NXF3: variants seen among roughly 807,000 people sequenced by gnomAD.
NXF3 encodes the protein nuclear RNA export factor 3.
A neutral mutation model predicts 48.4 loss-of-function variants in NXF3; 34 were observed. That is an observed-to-expected ratio of 0.70 (90% CI 0.53 to 0.93). NXF3 has a LOEUF of 0.93. Among genes scored for constraint, NXF3 ranks in the 40% least tolerant of loss-of-function variants. The probability of loss-of-function intolerance (pLI) is 0.00; values close to 1 mark genes in which losing one functional copy is unlikely to be tolerated. For missense variants in NXF3, 359 were observed against 406.1 expected (o/e 0.88, Z 1.00); for synonymous variants, 132 against 145.7 (o/e 0.91, Z 0.68).
At chrX:103,076,848 A>C (rs1286401333) in intron 18 of NXF3, among the ~76,000 whole-genome samples, 1 of 106,941 alleles carries the variant, frequency 9.4e-6, no homozygotes, top group Non-Finnish European at 1.9e-5. Flanking sequence ...AGCCAAAGGC[A>C]TGAGTAACTA....
chrX:103,080,237 T>A (rs367853354), intron 10 of NXF3, 21 bp from the exon 11 acceptor site: 4 of 1,196,925 alleles, frequency 3.3e-6, no homozygotes, highest in Admixed American at 4.4e-5. Context: ...CAAGAGGAAG[T>A]CAGTAGTGCA....
chrX:103,085,636 G>C (rs761909321), intron 1 of NXF3, among the ~76,000 whole-genome samples: 1 of 111,885 alleles, frequency 8.9e-6, no homozygotes, highest in East Asian at 2.8e-4. Flanking sequence ...GGGCGCGTTG[G>C]CTCTTGCCTG....
intron 3 of NXF3, among the ~76,000 whole-genome samples, chrX:103,084,107 C>G (rs151092998): frequency 0.011 from 1,177 of 111,067 alleles, 14 homozygotes; most frequent in African/African-American, 0.037. Context: ...CCTTAGCATT[C>G]GTTTCCTCCT....
At chrX:103,077,266 T>TC (rs1569279073) in intron 18 of NXF3, among the ~76,000 whole-genome samples, 3 of 72,982 alleles carry the variant, frequency 4.1e-5, no homozygotes, top group African/African-American at 1.4e-4. Context: ...TTTTTTTTTT[T>TC]CCGAGACGGA....
intron 10 of NXF3, 93 bp downstream of exon 10, chrX:103,080,483 A>T: frequency 1.1e-6 from 1 of 936,479 alleles, no homozygotes. Context: ...TAGCTCCAAA[A>T]ATGTAACTGG....
intron 1 of NXF3, among the ~76,000 whole-genome samples, chrX:103,085,191 T>C (rs1922115266): frequency 9.0e-6 from 1 of 111,273 alleles, no homozygotes; most frequent in African/African-American, 3.3e-5. Context: ...TTTTATAATC[T>C]AGAAAGAAAT....
chrX:103,082,935 A>T (rs1439429573), intron 7 of NXF3, 69 bp downstream of exon 7: 2 of 1,147,449 alleles, frequency 1.7e-6, no homozygotes, highest in African/African-American at 3.6e-5. Context: ...CAAGTTGCCA[A>T]CCGTAAGTCT....
In NXF3 at chrX:103,083,367, T is replaced by TGCTA. The variant is rs759600009; in HGVS notation, c.540+27_540+30dup. ...ACCCTTGCCCTGCCCTCTTGCTCGA[T>TGCTA]GCTAGCCCTGGTCATTCATTTGACA... On this transcript the variant is annotated intron_variant, in intron 5 of 19. Transcript: ENST00000395065. The TGCTA allele has an allele frequency of 6.8e-6, 8 of 1,179,807 alleles. No homozygotes were observed. The East Asian group carries it at 2.4e-4, about 35-fold the overall frequency.
chrX:103,092,873 G>T, intron 1 of NXF3, 123 bp downstream of exon 1: 6 of 728,963 alleles, frequency 8.2e-6, no homozygotes, highest in Admixed American at 4.7e-5. Flanking sequence ...CCTTGCCACT[G>T]CCCACCCCCA....
At position 103,083,037 on chromosome X, in the gene NXF3, C is replaced by A; in HGVS notation, c.658G>T (p.Ala220Ser). The A allele has an allele frequency of 8.3e-7, 1 of 1,211,099 alleles. No individual in the cohort carries two copies. ...MNQQCDVSQE[A>S]LDIQRLPFYP... Reference sequence around the variant, plus strand: ...AATGGGAGTCTCTGGATATCAAGAGCTTCCTGGGAGACATCACACTGTTGG... The same window carrying A: ...AATGGGAGTCTCTGGATATCAAGAGATTCCTGGGAGACATCACACTGTTGG... Residue 220 changes from alanine (A) to serine (S), a missense_variant, in exon 7 of 20, where the codon GCT (alanine) becomes TCT (serine). Coordinates refer to ENST00000395065, the MANE Select transcript of NXF3 (RefSeq NM_022052.2).
In NXF3 at chrX:103,084,341, C is replaced by T. The variant is rs749986285; in HGVS notation, c.351+1G>A. On this transcript the variant is annotated splice_donor_variant, in intron 3 of 19. Coordinates refer to ENST00000395065, the MANE Select transcript of NXF3 (RefSeq NM_022052.2). LOFTEE classifies it high-confidence loss of function. ...TAGATCCACTTTGCCAGGACACTCA[C>T]TGTGATCTTGAACCAGCTCCCTAAG... 1 of 1,209,311 alleles carries T rather than the reference C, an allele frequency of 8.3e-7. No individual in the cohort carries two copies. Among genetic ancestry groups the T allele is most frequent in the African/African-American group, 1.8e-5 (1 of 57,116 alleles).
chrX:103,091,329 C>T (rs1242277878), intron 1 of NXF3, among the ~76,000 whole-genome samples: 5 of 111,755 alleles, frequency 4.5e-5, no homozygotes, highest in Admixed American at 9.5e-5. Flanking sequence ...GTTGGTCCTC[C>T]GTATCCACGG....
intron 3 of NXF3, 111 bp downstream of exon 3, chrX:103,084,231 C>A: frequency 1.1e-6 from 1 of 885,094 alleles, no homozygotes; most frequent in Non-Finnish European, 1.6e-6. Flanking sequence ...TAATAAAGGA[C>A]AGATTACATA....
chrX:103,079,463 C>T lies in NXF3; in HGVS notation c.1231G>A (p.Glu411Lys), dbSNP rs777265449. The T allele has an allele frequency of 1.7e-6, 2 of 1,208,963 alleles. No individual in the cohort carries two copies. Among genetic ancestry groups the T allele is most frequent in the Admixed American group, 4.3e-5 (2 of 45,990 alleles). Residue 411 changes from glutamate (E) to lysine (K), a missense_variant, in exon 15 of 20, where the codon GAG (glutamate) becomes AAG (lysine). Glu to Lys is a moderately conservative substitution (Grantham distance 56). Coordinates refer to ENST00000395065, the MANE Select transcript of NXF3 (RefSeq NM_022052.2). Reference sequence around the variant, plus strand: ...TCAAGTTTTGTGTGCTTCAGCAGCTCCCCCCGAAGGTCTGTAGAGGAGAAG... The same window carrying T: ...TCAAGTTTTGTGTGCTTCAGCAGCTTCCCCCGAAGGTCTGTAGAGGAGAAG... ...KILKDPYLRG[E>K]LLKHTKLDIV...
At chrX:103,085,900 C>CAA (rs56135590) in intron 1 of NXF3, among the ~76,000 whole-genome samples, 9,050 of 43,470 alleles carry the variant, frequency 0.21, 1,040 homozygotes, top group Non-Finnish European at 0.28. Flanking sequence ...GAGACTCTGT[C>CAA]AAAAAAAAAA....
Position 103,077,678 on chromosome X carries a change from A to C in NXF3, c.1520T>G (p.Phe507Cys). ...GGAGAAGGCTGTGGGCACTAGGGTGAACAAGGCACTCTGGGTCCCTTGGTG... is the reference window on the plus strand; with the variant it reads ...GGAGAAGGCTGTGGGCACTAGGGTGCACAAGGCACTCTGGGTCCCTTGGTG... ...TSHQGTQSAL[F>C]TLVPTAFSSS... Residue 507 changes from phenylalanine to cysteine, a missense_variant, in exon 18 of 20, where the codon TTC (phenylalanine) becomes TGC (cysteine). Coordinates refer to ENST00000395065, the MANE Select transcript of NXF3 (RefSeq NM_022052.2). 12 of 1,211,338 alleles carry C rather than the reference A, an allele frequency of 9.9e-6. No individual in the cohort carries two copies. The highest frequency in any genetic ancestry group is 1.3e-5 in the Non-Finnish European group (12 of 895,154).
In NXF3 at chrX:103,077,707, G is replaced by A. The variant is rs1569279193; in HGVS notation, c.1491C>T (p.Thr497=). 3 of 1,210,972 alleles carry A rather than the reference G, an allele frequency of 2.5e-6. No individual in the cohort carries two copies. The highest frequency in any genetic ancestry group is 3.0e-5 in the East Asian group (1 of 33,810). ...AGGCACTCTGGGTCCCTTGGTGGCTGGTATCCCGCACAAAGAGCTTGTCAT... is the reference window on the plus strand; with the variant it reads ...AGGCACTCTGGGTCCCTTGGTGGCTAGTATCCCGCACAAAGAGCTTGTCAT... ...IVNDKLFVRD[T]SHQGTQSALF... is the part of the protein sequence containing the mutation. The change falls in exon 18 of 20, where the codon ACC becomes ACT. Residue 497 remains threonine (T), a synonymous_variant. Transcript: ENST00000395065.
chrX:103,077,263 T>C (rs1921892352), intron 18 of NXF3, among the ~76,000 whole-genome samples: 1 of 100,575 alleles, frequency 9.9e-6, no homozygotes, highest in Non-Finnish European at 2.0e-5. Context: ...TTTTTTTTTT[T>C]TTTCCGAGAC....
At position 103,083,365 on chromosome X, in the gene NXF3, G is replaced by A. The variant is rs191470661; in HGVS notation, c.540+33C>T. 6.5e-4 allele frequency: 759 copies of A among 1,174,309 alleles called. 1 individual carries two copies. The highest frequency in any genetic ancestry group is 3.7e-3 in the Admixed American group (169 of 45,592). On this transcript the variant is annotated intron_variant, in intron 5 of 19. Transcript: ENST00000395065. ...TTACCCTTGCCCTGCCCTCTTGCTC[G>A]ATGCTAGCCCTGGTCATTCATTTGA...
Sources: allele counts gnomAD v4.1 joint callset (sites outside exome capture counted in the v4.1 genomes callset), GRCh38; gene constraint gnomAD v4.1.1; transcripts MANE v1.5; gene names NCBI Gene and HGNC (gene_info 2026-07-23, HGNC 2026-07-21).